Variants in LARP4B observed in about 807,000 individuals in gnomAD.
LARP4B encodes La ribonucleoprotein 4B, also known as la-related protein 4B.
Under a neutral mutation model 89.8 loss-of-function variants are expected in LARP4B, and 12 were observed. That is an observed-to-expected ratio of 0.13 (90% confidence interval 0.09 to 0.22). LARP4B has a LOEUF of 0.22. Ranked by LOEUF, LARP4B falls within the 10% of genes least tolerant of loss-of-function variation. LARP4B has a pLI of 1.00. For synonymous variants in LARP4B, 367 were observed against 363.3 expected (o/e 1.01, Z -0.12); for missense variants, 757 against 947.7 (o/e 0.80, Z 2.64).
chr10:867,906 A>G (rs1046946918), intron 3 of LARP4B, among the ~76,000 whole-genome samples: 1 of 149,016 alleles, frequency 6.7e-6, no homozygotes, highest in African/African-American at 2.5e-5. Context: ...CGTCTGCTTG[A>G]CTATAAGTCT....
chr10:862,256 T>TAAAAAAAAAAAAAAAAAAAAAA (rs10661482), intron 5 of LARP4B, among the ~76,000 whole-genome samples: 1 of 84,396 alleles, frequency 1.2e-5, no homozygotes, highest in African/African-American at 5.2e-5. Flanking sequence ...CCACTGAAGT[T>TAAAAAAAAAAAAAAAAAAAAAA]AAAAAAAAAA....
At chr10:821,020 C>A in intron 13 of LARP4B, 175 bp from the exon 14 acceptor site, 1 of 610,390 alleles carries the variant, frequency 1.6e-6, no homozygotes. Flanking sequence ...GTAAGCAGAA[C>A]AACACAAAGT....
chr10:844,475 G>C (rs949830875), intron 6 of LARP4B, among the ~76,000 whole-genome samples: 7 of 152,050 alleles, frequency 4.6e-5, no homozygotes, highest in African/African-American at 1.7e-4. Context: ...CCTTATACAC[G>C]GCCCATCGGT....
rs201513199 is a variant in LARP4B at position 814,786 on chromosome 10, T to G, written c.1885A>C (p.Thr629Pro). ...TGCACCGATTTACACGCGGTCGCAG[T>G]GAGGGCGGAAGGAAGTCTGTCCACA... ...HSVDRLPSAL[T>P]ATACKSVQVN... Residue 629 changes from threonine (T) to proline (P), a missense_variant, in exon 17 of 18, where the codon ACT becomes CCT. Thr to Pro is a conservative substitution (Grantham distance 38, BLOSUM62 -1). This residue lies in a region of LARP4B where 387 missense variants were observed against 423.6 expected (regional missense o/e 0.91). Transcript: ENST00000316157. The surrounding 1 kb of genome is among the most constrained non-coding windows in gnomAD (Gnocchi z 4.4). 1.2e-6 allele frequency: 2 copies of G among 1,605,684 alleles called. No homozygotes were observed. The highest frequency in any genetic ancestry group is 2.7e-5 in the African/African-American group (2 of 74,694).
the LARP4B span, among the ~76,000 whole-genome samples, chr10:982,700 A>G: frequency 6.6e-6 from 1 of 152,220 alleles, no homozygotes; most frequent in Non-Finnish European, 1.5e-5. Context: ...ATGTGTTTCA[A>G]CTTCTGTTTA....
In LARP4B at chr10:929,235, CAAAA is replaced by C. The variant is rs373740459; in HGVS notation, c.-40+2189_-40+2192del. ...TGTAAACAAGCCAAAAAAAACAAAA[CAAAA>C]AAACAAAAACAAAAACAAAACTTTC... is the stretch of plus-strand genomic sequence containing the variant. On this transcript the variant is annotated intron_variant, in intron 1 of 17. Transcript: ENST00000316157. Among the ~76,000 whole-genome samples, 3 of 151,408 alleles carry C rather than the reference CAAAA, an allele frequency of 2.0e-5. No individual in the cohort carries two copies. The South Asian group carries it at 6.2e-4, about 32-fold the overall frequency.
At chr10:899,237 C>A (rs141246519) in intron 1 of LARP4B, among the ~76,000 whole-genome samples, 2 of 152,108 alleles carry the variant, frequency 1.3e-5, no homozygotes, top group Non-Finnish European at 2.9e-5. Flanking sequence ...GTACCTTACA[C>A]GGGGATCTTC....
At chr10:882,675 T>C (rs1048080469) in intron 3 of LARP4B, among the ~76,000 whole-genome samples, 2 of 152,264 alleles carry the variant, frequency 1.3e-5, no homozygotes, top group East Asian at 1.9e-4. Flanking sequence ...TGGCTAACCC[T>C]GTAAATAGTT....
chr10:955,813 C>T, the LARP4B span, among the ~76,000 whole-genome samples: 2 of 152,120 alleles, frequency 1.3e-5, no homozygotes, highest in Admixed American at 6.5e-5. This position sits in a 1 kb window ranked among gnomAD's most constrained non-coding sequence, Gnocchi z 5.2. Context: ...AAAAAGAACT[C>T]TAATCCTTTG....
chr10:946,604 G>A, the LARP4B span, among the ~76,000 whole-genome samples: 11 of 152,154 alleles, frequency 7.2e-5, no homozygotes, highest in Non-Finnish European at 2.9e-5. Context: ...AACATGACCG[G>A]GGTTGGGGGA....
rs533104853 is a variant in LARP4B, at chr10:813,841, G to T, written c.1930-628C>A. Among the ~76,000 whole-genome samples, 41 of 142,774 alleles carry T rather than the reference G, an allele frequency of 2.9e-4. 2 individuals are homozygous for T. In the South Asian group the frequency reaches 5.9e-3, roughly 21 times the overall value. 93.7% of individuals were successfully genotyped at this position (142,774 alleles called of 152,430 possible). ...TTTTGAGACACAGTCTCACTCTGTC[G>T]CACAGGCTGGAGTGCAGCAGTGCAA... On this transcript the variant is annotated intron_variant, in intron 17 of 17. Transcript: ENST00000316157.
At chr10:967,305 G>C in the LARP4B span, among the ~76,000 whole-genome samples, 2 of 152,158 alleles carry the variant, frequency 1.3e-5, no homozygotes, top group Admixed American at 6.6e-5. Flanking sequence ...GAGAGAAGTA[G>C]ACATTGAACC....
At chr10:817,686 C>T (rs746925747) in intron 15 of LARP4B, 39 bp downstream of exon 15, 1 of 1,585,162 alleles carries the variant, frequency 6.3e-7, no homozygotes, top group East Asian at 2.3e-5. Flanking sequence ...CGTACCTAGA[C>T]ACTGTTGGCA....
At chr10:852,155 AG>A (rs1268299133) in intron 5 of LARP4B, among the ~76,000 whole-genome samples, 3 of 152,204 alleles carry the variant, frequency 2.0e-5, no homozygotes, top group Non-Finnish European at 4.4e-5. Context: ...TCCTCATATG[AG>A]GGTGAAATAA....
Position 863,734 on chromosome 10 carries a change from T to C in LARP4B, c.430+9A>G, listed in dbSNP as rs774420612. 3.8e-6 allele frequency: 6 copies of C among 1,591,442 alleles called. No individual in the cohort carries two copies. Among genetic ancestry groups the C allele is most frequent in the South Asian group, 1.1e-5 (1 of 87,294 alleles). On this transcript the variant is annotated intron_variant, in intron 5 of 17. Transcript: ENST00000316157. ...TCCCTGGGAAAATGCACCCATAAGA[T>C]ATGTTTACCTGTCTCGCTATTTTCA...
chr10:984,702 T>C, the LARP4B span, among the ~76,000 whole-genome samples: 18 of 152,118 alleles, frequency 1.2e-4, no homozygotes, highest in African/African-American at 4.3e-4. Flanking sequence ...TGTACCTCCA[T>C]TTAAATACCA....
chr10:980,713 C>T, the LARP4B span, among the ~76,000 whole-genome samples: 1 of 152,212 alleles, frequency 6.6e-6, no homozygotes, highest in Non-Finnish European at 1.5e-5. Flanking sequence ...AACCATTCTG[C>T]CCTCCTAGGC....
chr10:826,147 G>T (rs994835399), intron 11 of LARP4B, among the ~76,000 whole-genome samples: 1 of 152,222 alleles, frequency 6.6e-6, no homozygotes, highest in South Asian at 2.1e-4. Flanking sequence ...GGTCAAGAGC[G>T]CATGGGCTCC....
intron 8 of LARP4B, among the ~76,000 whole-genome samples, chr10:831,670 G>C (rs1247419425): frequency 6.6e-6 from 1 of 152,174 alleles, no homozygotes; most frequent in East Asian, 1.9e-4. Context: ...GGATAGCAGG[G>C]ACAGTGCTCA....
Sources: allele counts gnomAD v4.1 joint callset (sites outside exome capture counted in the v4.1 genomes callset), GRCh38; gene constraint gnomAD v4.1.1; regional missense constraint gnomAD v4.1.1; non-coding constraint Gnocchi (gnomAD v3.1); transcripts MANE v1.5; gene names NCBI Gene and HGNC (gene_info 2026-07-23, HGNC 2026-07-21).